Variants in ARHGEF7 observed in about 807,000 individuals in gnomAD.
The protein encoded by ARHGEF7 is Rho guanine nucleotide exchange factor 7.
A neutral mutation model predicts 109.8 loss-of-function variants in ARHGEF7; 33 were observed. The ratio of observed to expected loss-of-function variants is 0.30; its 90% CI spans 0.23 to 0.40. The LOEUF is 0.40. ARHGEF7 is among the 10% of genes least tolerant of loss of function. ARHGEF7 has a pLI of 1.00. For synonymous variants in ARHGEF7, 458 were observed against 424.6 expected, an observed-to-expected ratio of 1.08 and a Z score of -0.97; for missense variants, 938 against 1,098.5, an observed-to-expected ratio of 0.85 and a Z score of 2.07.
Position 111,305,667 on chromosome 13 carries a change from T to C in ARHGEF7, c.*2554T>C, listed in dbSNP as rs1280797337. 1 of 152,276 alleles carries C rather than the reference T, an allele frequency of 6.6e-6. No individual in the cohort carries two copies. Among genetic ancestry groups the C allele is most frequent in the Non-Finnish European group, 1.5e-5 (1 of 68,054 alleles). The allele number at this position is 152,276 out of a possible 1,614,324, so 9.4% of individuals were successfully genotyped here. ...TTAAATGTCACAGACAATGTCCTAG[T>C]GTTGACTACTACAATGTTGATGCTA... On this transcript the variant is annotated 3_prime_UTR_variant, in exon 22 of 22. Coordinates refer to ENST00000646102, the MANE Select transcript of ARHGEF7 (RefSeq NM_001354046.2).
intron 2 of ARHGEF7, among the ~76,000 whole-genome samples, chr13:111,178,927 G>A (rs1451535664): frequency 6.6e-6 from 1 of 152,132 alleles, no homozygotes; most frequent in Non-Finnish European, 1.5e-5. Flanking sequence ...CGGATGGTGA[G>A]CGGATGCTAG....
chr13:111,195,668 A>G (rs1293056190), intron 2 of ARHGEF7, among the ~76,000 whole-genome samples: 1 of 152,164 alleles, frequency 6.6e-6, no homozygotes, highest in African/African-American at 2.4e-5. Flanking sequence ...CCAGAGAACC[A>G]TTGCACTCTG....
At chr13:111,175,408 G>C (rs1049279382) in intron 2 of ARHGEF7, among the ~76,000 whole-genome samples, 10 of 152,344 alleles carry the variant, frequency 6.6e-5, no homozygotes, top group African/African-American at 2.4e-4. Context: ...GAGACTCAAA[G>C]CCTGGGAGCA....
intron 8 of ARHGEF7, among the ~76,000 whole-genome samples, chr13:111,259,496 C>T (rs2090851709): frequency 6.6e-6 from 1 of 152,204 alleles, no homozygotes; most frequent in Non-Finnish European, 1.5e-5. Flanking sequence ...TGTTCAAGAA[C>T]ACCGTGGTGG....
chr13:111,267,745 T>G, intron 9 of ARHGEF7, 75 bp downstream of exon 9: 6 of 1,555,444 alleles, frequency 3.9e-6, no homozygotes, highest in Non-Finnish European at 5.3e-6. Context: ...TGAAATAGTA[T>G]GATGCTAATA....
At chr13:111,120,453 G>A (rs374048520) in intron 1 of ARHGEF7, among the ~76,000 whole-genome samples, 5 of 148,814 alleles carry the variant, frequency 3.4e-5, no homozygotes, top group South Asian at 2.1e-4. Flanking sequence ...ATGCACATAC[G>A]TAAACACATG....
At chr13:111,235,779 T>C (rs1435231107) in intron 6 of ARHGEF7, among the ~76,000 whole-genome samples, 1 of 152,212 alleles carries the variant, frequency 6.6e-6, no homozygotes, top group East Asian at 1.9e-4. Context: ...TGATAGATAA[T>C]GTGTTAGGCA....
At chr13:111,244,884 C>T (rs1392847829) in intron 8 of ARHGEF7, among the ~76,000 whole-genome samples, 1 of 152,214 alleles carries the variant, frequency 6.6e-6, no homozygotes, top group Non-Finnish European at 1.5e-5. Flanking sequence ...AAAATCTGTG[C>T]TTCAGGATTT....
At chr13:111,147,638 C>T (rs532245380) in intron 1 of ARHGEF7, among the ~76,000 whole-genome samples, 3 of 151,806 alleles carry the variant, frequency 2.0e-5, no homozygotes, top group Non-Finnish European at 4.4e-5. Flanking sequence ...AAATGGCACA[C>T]CTTTGAGATG....
rs886481986 is a variant in ARHGEF7, at chr13:111,305,366, G to A, written c.*2253G>A. The A allele has an allele frequency of 2.0e-5, 3 of 152,252 alleles. No homozygotes were observed. Among genetic ancestry groups the A allele is most frequent in the East Asian group, 1.9e-4 (1 of 5,204 alleles). The allele number at this position is 152,252 out of a possible 1,614,324, so 9.4% of individuals were successfully genotyped here. A position where few individuals can be genotyped will look rare whatever the true frequency, so the allele number is the denominator to read the frequency against. The stretch of plus-strand genomic sequence containing the variant: ...CGTTTAAAGGGGCCACGATTTGCCC[G>A]AGGGTTACTCCTTTGCTCTCACCTT... On this transcript the variant is annotated 3_prime_UTR_variant, in exon 22 of 22. Coordinates refer to ENST00000646102, the MANE Select transcript of ARHGEF7 (RefSeq NM_001354046.2).
At chr13:111,267,742 G>T (rs1323309330) in intron 9 of ARHGEF7, 72 bp downstream of exon 9, 2 of 1,562,978 alleles carry the variant, frequency 1.3e-6, no homozygotes, top group East Asian at 4.6e-5. Context: ...GCATGAAATA[G>T]TATGATGCTA....
intron 9 of ARHGEF7, among the ~76,000 whole-genome samples, chr13:111,271,969 G>A (rs1005574334): frequency 1.3e-5 from 2 of 152,204 alleles, no homozygotes; most frequent in Non-Finnish European, 2.9e-5. Context: ...ACACAGCATA[G>A]GACTGCACCC....
chr13:111,171,341 T>C (rs1372327783), intron 2 of ARHGEF7, among the ~76,000 whole-genome samples: 5 of 152,242 alleles, frequency 3.3e-5, no homozygotes, highest in Admixed American at 1.3e-4. Context: ...GAGCTGCGTG[T>C]GCAGGAGTAC....
rs548354943 is a variant in ARHGEF7, at chr13:111,239,686, G to C, written c.760-4186G>C. On this transcript the variant is annotated intron_variant, in intron 6 of 21. Transcript: ENST00000646102. The surrounding 1 kb of genome is among the most constrained non-coding windows in gnomAD (Gnocchi z 4.3). ...CCTGAGGTATCAGGGAGGGTGTGCA[G>C]CTTGTGGGATCCCCTCTTTTCCTGG... Among the ~76,000 whole-genome samples the C allele has an allele frequency of 6.6e-6, 1 of 152,234 alleles. No individual in the cohort carries two copies. Among genetic ancestry groups the C allele is most frequent in the African/African-American group, 2.4e-5 (1 of 41,542 alleles).
intron 4 of ARHGEF7, among the ~76,000 whole-genome samples, chr13:111,216,364 G>A (rs2083139793): frequency 6.6e-6 from 1 of 152,218 alleles, no homozygotes; most frequent in African/African-American, 2.4e-5. Context: ...CTGTGGCTGG[G>A]TGGAGGGCAG....
chr13:111,126,223 G>T lies in ARHGEF7; in HGVS notation c.165+10532G>T, dbSNP rs188351305. On this transcript the variant is annotated intron_variant, in intron 1 of 21. Coordinates refer to ENST00000646102, the MANE Select transcript of ARHGEF7 (RefSeq NM_001354046.2). ...ATAGGCTTTAAGGCTGGGCGCGGTG[G>T]CTCACGCCTATAATCCTAGCACTTT... is the stretch of plus-strand genomic sequence containing the variant. Among the ~76,000 whole-genome samples, 14 of 152,334 alleles carry T rather than the reference G, an allele frequency of 9.2e-5. No individual in the cohort carries two copies. In the East Asian group the frequency reaches 1.7e-3, roughly 19 times the overall value.
chr13:111,259,868 A>C (rs2090895361), intron 8 of ARHGEF7, among the ~76,000 whole-genome samples: 1 of 152,258 alleles, frequency 6.6e-6, no homozygotes, highest in African/African-American at 2.4e-5. Context: ...ATGAAATTCA[A>C]GATGACACAG....
intron 2 of ARHGEF7, among the ~76,000 whole-genome samples, chr13:111,196,380 G>A (rs183564269): frequency 2.0e-5 from 3 of 152,192 alleles, no homozygotes; most frequent in Admixed American, 6.5e-5. Context: ...CCAAACTCTC[G>A]GGCTGCAGCT....
chr13:111,282,152 A>G (rs1236340173), intron 15 of ARHGEF7, among the ~76,000 whole-genome samples: 1 of 151,368 alleles, frequency 6.6e-6, no homozygotes, highest in African/African-American at 2.4e-5. Context: ...TGATCGTTGC[A>G]GGAAGTTGAT....
Sources: allele counts gnomAD v4.1 joint callset (sites outside exome capture counted in the v4.1 genomes callset), GRCh38; gene constraint gnomAD v4.1.1; non-coding constraint Gnocchi (gnomAD v3.1); transcripts MANE v1.5; gene names NCBI Gene and HGNC (gene_info 2026-07-23, HGNC 2026-07-21).